Variants in GRM3 observed in about 807,000 individuals in gnomAD.
The protein encoded by GRM3 is glutamate metabotropic receptor 3.
A neutral mutation model predicts 70.5 loss-of-function variants in GRM3; 26 were observed. That is an observed-to-expected ratio of 0.37 (90% CI 0.27 to 0.51). The LOEUF is 0.51. Ranked by LOEUF, GRM3 falls within the 20% of genes least tolerant of loss-of-function variation. GRM3 has a pLI of 0.93. For synonymous variants in GRM3, 443 were observed against 434.9 expected (o/e 1.02, Z -0.23); for missense variants, 859 against 1,123.8 (o/e 0.76, Z 3.37).
intron 1 of GRM3, among the ~76,000 whole-genome samples, chr7:86,671,131 A>G (rs1324048021): frequency 6.6e-6 from 1 of 152,172 alleles, no homozygotes; most frequent in Non-Finnish European, 1.5e-5. Context: ...CCCAGGTTCA[A>G]GTGACTCTCT....
At chr7:86,663,038 CT>C (rs957221345) in intron 1 of GRM3, among the ~76,000 whole-genome samples, 1 of 151,590 alleles carries the variant, frequency 6.6e-6, no homozygotes, top group Admixed American at 6.6e-5. Context: ...GAATATGAAA[CT>C]TTTTTTGCAA....
chr7:86,787,608 G>A (rs1797291807), intron 3 of GRM3, among the ~76,000 whole-genome samples: 1 of 152,118 alleles, frequency 6.6e-6, no homozygotes, highest in African/African-American at 2.4e-5. Flanking sequence ...ATAATTAGGG[G>A]CAAAACAGAA....
At chr7:86,763,865 G>A (rs1796537599) in intron 1 of GRM3, among the ~76,000 whole-genome samples, 1 of 152,070 alleles carries the variant, frequency 6.6e-6, no homozygotes, top group African/African-American at 2.4e-5. Context: ...ACAGTGCTTT[G>A]GGGGGTGGTA....
intron 2 of GRM3, chr7:86,784,087 A>C (rs1436520376): frequency 6.6e-6 from 1 of 152,174 alleles, no homozygotes; most frequent in Non-Finnish European, 1.5e-5. Flanking sequence ...AATGCAGAGA[A>C]TCTTTCCCAC....
intron 1 of GRM3, among the ~76,000 whole-genome samples, chr7:86,684,692 C>T (rs937745393): frequency 3.9e-5 from 6 of 152,052 alleles, no homozygotes; most frequent in African/African-American, 9.7e-5. Flanking sequence ...GTGTTAAAAT[C>T]GAAAATATGG....
chr7:86,823,605 T>TTG (rs1798170159), intron 3 of GRM3, among the ~76,000 whole-genome samples: 2 of 88,242 alleles, frequency 2.3e-5, no homozygotes, highest in Non-Finnish European at 4.6e-5. Flanking sequence ...TTTTTTTTTT[T>TTG]GGCGGGGGGG....
chr7:86,772,498 G>C (rs999243847), intron 2 of GRM3, among the ~76,000 whole-genome samples: 1 of 152,056 alleles, frequency 6.6e-6, no homozygotes, highest in Non-Finnish European at 1.5e-5. Context: ...TTTGATTTGA[G>C]AGCAGCTCTA....
At chr7:86,733,722 C>T (rs1441671723) in intron 1 of GRM3, among the ~76,000 whole-genome samples, 1 of 152,142 alleles carries the variant, frequency 6.6e-6, no homozygotes, top group African/African-American at 2.4e-5. Context: ...TGGAAAAACA[C>T]TCGAAGAATC....
At chr7:86,778,337 C>A (rs752532009) in intron 2 of GRM3, among the ~76,000 whole-genome samples, 1 of 151,996 alleles carries the variant, frequency 6.6e-6, no homozygotes, top group Non-Finnish European at 1.5e-5. Flanking sequence ...AATTCAGAAG[C>A]CAATAACTGT....
intron 1 of GRM3, among the ~76,000 whole-genome samples, chr7:86,663,619 T>TTG (rs1562817771): frequency 1.3e-4 from 20 of 151,498 alleles, no homozygotes; most frequent in Admixed American, 2.0e-4. Context: ...ATGTCTTTTT[T>TTG]TTGTTGTTGT....
At chr7:86,717,088 AG>A (rs1490781633) in intron 1 of GRM3, among the ~76,000 whole-genome samples, 2 of 151,962 alleles carry the variant, frequency 1.3e-5, no homozygotes. Context: ...AGTGAGCCAA[AG>A]AATGTTCAAA....
intron 1 of GRM3, among the ~76,000 whole-genome samples, chr7:86,677,274 A>T (rs954806365): frequency 2.0e-5 from 3 of 151,948 alleles, no homozygotes; most frequent in East Asian, 1.9e-4. Flanking sequence ...ACACCTTTTT[A>T]AAAAAATGTC....
intron 1 of GRM3, among the ~76,000 whole-genome samples, chr7:86,710,747 G>C (rs1795179081): frequency 6.6e-6 from 1 of 151,944 alleles, no homozygotes; most frequent in Non-Finnish European, 1.5e-5. Flanking sequence ...GTCTGTAGAA[G>C]ACAATATAGC....
At chr7:86,849,923 A>C (rs984213181) in intron 4 of GRM3, among the ~76,000 whole-genome samples, 2 of 152,164 alleles carry the variant, frequency 1.3e-5, no homozygotes, top group African/African-American at 4.8e-5. Context: ...AAGAATGTAA[A>C]AAACAAACAA....
Position 86,850,487 on chromosome 7 carries a change from C to T in GRM3, c.2509C>T (p.His837Tyr). Reference sequence around the variant, plus strand: ...TCAACCCCAGAAGAATGTTGTCACACACAGACTGCACCTCAACAGGTTCAG... The same window carrying T: ...TCAACCCCAGAAGAATGTTGTCACATACAGACTGCACCTCAACAGGTTCAG... ...LFQPQKNVVT[H>Y]RLHLNRFSVS... Residue 837 changes from histidine to tyrosine, a missense_variant, in exon 5 of 6, where the codon CAC becomes TAC. His to Tyr is a moderately conservative substitution (Grantham distance 83). Coordinates refer to ENST00000361669, the MANE Select transcript of GRM3 (RefSeq NM_000840.3). 1 of 1,611,568 alleles carries T rather than the reference C, an allele frequency of 6.2e-7. No individual in the cohort carries two copies. The highest frequency in any genetic ancestry group is 8.5e-7 in the Non-Finnish European group (1 of 1,177,854).
At chr7:86,706,798 A>C (rs1234861757) in intron 1 of GRM3, among the ~76,000 whole-genome samples, 1 of 152,108 alleles carries the variant, frequency 6.6e-6, no homozygotes, top group Non-Finnish European at 1.5e-5. Flanking sequence ...ATTAGCAAAA[A>C]AATAGCAATG....
intron 1 of GRM3, among the ~76,000 whole-genome samples, chr7:86,647,414 A>T (rs549149261): frequency 1.3e-5 from 2 of 152,188 alleles, no homozygotes; most frequent in African/African-American, 4.8e-5. Flanking sequence ...ACATCATCCC[A>T]ATATTCTACT....
At chr7:86,694,511 C>CAAAAAAAAA (rs1226119828) in intron 1 of GRM3, among the ~76,000 whole-genome samples, 5 of 37,722 alleles carry the variant, frequency 1.3e-4, no homozygotes, top group Non-Finnish European at 2.0e-4. Context: ...GACTCTGTCT[C>CAAAAAAAAA]AAAAAAAAAA....
At chr7:86,837,479 A>G (rs1017796417) in intron 3 of GRM3, among the ~76,000 whole-genome samples, 2 of 152,204 alleles carry the variant, frequency 1.3e-5, no homozygotes, top group African/African-American at 4.8e-5. Context: ...ATCTCTTTCC[A>G]TAGTATGGAA....
Sources: gnomAD v4.1 joint callset for allele counts (sites outside exome capture counted in the v4.1 genomes callset) on GRCh38, gnomAD v4.1.1 for gene constraint, MANE v1.5 for transcripts, NCBI Gene and HGNC (gene_info 2026-07-23, HGNC 2026-07-21) for gene names.